The following APBB2 variants were observed in gnomAD, a reference collection of about 807,000 sequenced individuals.
The protein encoded by APBB2 is Fe65-like 1.
A neutral mutation model predicts 82.5 loss-of-function variants in APBB2; 38 were observed. The ratio of observed to expected loss-of-function variants is 0.46; its 90% CI spans 0.36 to 0.60. The LOEUF is 0.60. Ranked by LOEUF, APBB2 falls within the 20% of genes least tolerant of loss-of-function variation. APBB2 has a pLI of 0.00. For missense variants in APBB2, 772 were observed against 972.3 expected (o/e 0.79, Z 2.74); for synonymous variants, 341 against 368.2 (o/e 0.93, Z 0.85).
chr4:41,049,005 G>A (rs939708280), intron 4 of APBB2, among the ~76,000 whole-genome samples: 3 of 152,068 alleles, frequency 2.0e-5, no homozygotes, highest in African/African-American at 4.8e-5. Flanking sequence ...CGTGATCTCG[G>A]CTAGCTACAA....
intron 12 of APBB2, among the ~76,000 whole-genome samples, chr4:40,844,354 T>C (rs1230578056): frequency 1.3e-5 from 2 of 152,216 alleles, no homozygotes; most frequent in Non-Finnish European, 2.9e-5. Flanking sequence ...AGGGGCATTA[T>C]AAGCATGAAG....
At chr4:40,963,329 T>C (rs1158414148) in intron 6 of APBB2, among the ~76,000 whole-genome samples, 2 of 152,078 alleles carry the variant, frequency 1.3e-5, no homozygotes, top group African/African-American at 4.8e-5. Flanking sequence ...TCACTGCAGC[T>C]TCAAACTCCT....
intron 6 of APBB2, among the ~76,000 whole-genome samples, chr4:40,989,461 C>T (rs574926260): frequency 1.3e-5 from 2 of 152,152 alleles, no homozygotes; most frequent in Non-Finnish European, 2.9e-5. Flanking sequence ...AAACAATGTG[C>T]AGATGAGCTT....
At chr4:41,045,643 T>C (rs897560424) in intron 4 of APBB2, among the ~76,000 whole-genome samples, 1 of 152,224 alleles carries the variant, frequency 6.6e-6, no homozygotes, top group Non-Finnish European at 1.5e-5. Context: ...TCATTGTCAG[T>C]AGGGATTTTA....
Position 40,893,413 on chromosome 4 carries a change from TG to T in APBB2, c.1255-3del. 6.2e-7 allele frequency: 1 copy of T among 1,605,800 alleles called. No individual in the cohort carries two copies. Among genetic ancestry groups the T allele is most frequent in the South Asian group, 1.1e-5 (1 of 89,754 alleles). Reference sequence around the variant, plus strand: ...TCCCAGAGAACGCACAGCAAAACACTGGAAGACAGTGAAAGAGGACAAGAAG... The same window carrying T: ...TCCCAGAGAACGCACAGCAAAACACTGAAGACAGTGAAAGAGGACAAGAAG... On this transcript the variant is annotated splice_region_variant and splice_polypyrimidine_tract_variant and intron_variant, in intron 10 of 17. Coordinates refer to ENST00000508593, the MANE Select transcript of APBB2 (RefSeq NM_004307.2).
intron 6 of APBB2, among the ~76,000 whole-genome samples, chr4:40,999,985 C>A (rs1438924179): frequency 6.6e-6 from 1 of 150,868 alleles, no homozygotes; most frequent in African/African-American, 2.4e-5. Context: ...TTGAGAACAG[C>A]CTGGACAACA....
chr4:41,115,359 C>A (rs543699173), intron 2 of APBB2, among the ~76,000 whole-genome samples: 1 of 152,290 alleles, frequency 6.6e-6, no homozygotes, highest in Non-Finnish European at 1.5e-5. Flanking sequence ...GATCTAAAAT[C>A]ATAAAAACCC....
intron 6 of APBB2, among the ~76,000 whole-genome samples, chr4:40,998,230 C>T (rs1186289486): frequency 6.6e-6 from 1 of 152,186 alleles, no homozygotes; most frequent in African/African-American, 2.4e-5. Flanking sequence ...TTAAGATTCA[C>T]AGATGTAATA....
Position 41,196,298 on chromosome 4 carries a change from T to C in APBB2, c.-417+18107A>G. Among the ~76,000 whole-genome samples, 49 of 152,362 alleles carry C rather than the reference T, an allele frequency of 3.2e-4. No homozygotes were observed. The East Asian group carries it at 6.9e-3, about 22-fold the overall frequency. ...TAGTTACTGTCTATAGTCCTGACAC[T>C]GGGTGCAAGTGCCACCAAAGTTCAG... On this transcript the variant is annotated intron_variant, in intron 1 of 17. Transcript: ENST00000508593.
At chr4:40,930,446 TGTGCGCGCGCGC>T (rs1373668013) in intron 10 of APBB2, among the ~76,000 whole-genome samples, 4,617 of 81,354 alleles carry the variant, frequency 0.057, 165 homozygotes, top group Admixed American at 0.18. Context: ...TGTGTGTGTG[TGTGCGCGCGCGC>T]GCGCGCGCGT....
At chr4:41,175,409 T>C (rs986554984) in intron 1 of APBB2, among the ~76,000 whole-genome samples, 1 of 152,188 alleles carries the variant, frequency 6.6e-6, no homozygotes, top group Non-Finnish European at 1.5e-5. Context: ...TTCTGTCGTT[T>C]TTAAAAATAA....
intron 12 of APBB2, among the ~76,000 whole-genome samples, chr4:40,859,829 A>G (rs760666235): frequency 1.3e-5 from 2 of 152,038 alleles, no homozygotes; most frequent in African/African-American, 2.4e-5. Context: ...AGTTCCTGGA[A>G]CACGCCCAGC....
intron 6 of APBB2, among the ~76,000 whole-genome samples, chr4:40,982,377 AG>A (rs1560448668): frequency 1.2e-4 from 2 of 16,338 alleles, no homozygotes; most frequent in African/African-American, 5.0e-4. Context: ...GAAGGAAGGA[AG>A]GAAGGAAGGA....
intron 7 of APBB2, among the ~76,000 whole-genome samples, chr4:40,944,452 G>A (rs1043483767): frequency 6.6e-6 from 1 of 152,160 alleles, no homozygotes; most frequent in Admixed American, 6.5e-5. Flanking sequence ...GCTATCAAAC[G>A]AGCCCAAGGC....
At chr4:40,871,909 A>T (rs1265895476) in intron 12 of APBB2, among the ~76,000 whole-genome samples, 2 of 152,238 alleles carry the variant, frequency 1.3e-5, no homozygotes, top group African/African-American at 4.8e-5. Flanking sequence ...CATCTGTGAC[A>T]TTAGTGACAA....
intron 6 of APBB2, among the ~76,000 whole-genome samples, chr4:40,972,203 T>C (rs926156426): frequency 6.6e-6 from 1 of 151,992 alleles, no homozygotes; most frequent in African/African-American, 2.4e-5. Context: ...CCGAGGTGGG[T>C]GGATCACAGG....
intron 1 of APBB2, among the ~76,000 whole-genome samples, chr4:41,186,338 G>C (rs77729453): frequency 0.042 from 6,405 of 152,208 alleles, 151 homozygotes; most frequent in Middle Eastern, 0.058. Context: ...AGTGCCTGAA[G>C]CTACAATTCT....
intron 10 of APBB2, among the ~76,000 whole-genome samples, chr4:40,905,516 A>G (rs1776469069): frequency 6.6e-6 from 1 of 152,178 alleles, no homozygotes; most frequent in Non-Finnish European, 1.5e-5. Context: ...TTCAAAGCAG[A>G]TGCATCTTTA....
chr4:40,894,909 C>T (rs1239667074), intron 10 of APBB2, among the ~76,000 whole-genome samples: 3 of 152,204 alleles, frequency 2.0e-5, no homozygotes, highest in Non-Finnish European at 4.4e-5. Context: ...CTCTGCATCC[C>T]TGGTCCCATG....
Sources: allele counts gnomAD v4.1 joint callset (sites outside exome capture counted in the v4.1 genomes callset), GRCh38; gene constraint gnomAD v4.1.1; transcripts MANE v1.5; gene names NCBI Gene and HGNC (gene_info 2026-07-23, HGNC 2026-07-21).